Variants in CDH12 observed in about 807,000 individuals in gnomAD.
The protein encoded by CDH12 is cadherin 12, also known as cadherin-12.
Under a neutral mutation model 74.1 loss-of-function variants are expected in CDH12, and 41 were observed. The ratio of observed to expected loss-of-function variants is 0.55; its 90% CI spans 0.43 to 0.72. CDH12 has a LOEUF of 0.72. Ranked by LOEUF, CDH12 falls within the 30% of genes least tolerant of loss-of-function variation. The probability of loss-of-function intolerance (pLI) is 0.00; values close to 1 mark genes in which losing one functional copy is unlikely to be tolerated. For synonymous variants in CDH12, 399 were observed against 355.0 expected (o/e 1.12, Z -1.39); for missense variants, 945 against 977.2 (o/e 0.97, Z 0.44).
At chr5:22,059,932 T>C (rs1003955214) in intron 5 of CDH12, among the ~76,000 whole-genome samples, 1 of 152,154 alleles carries the variant, frequency 6.6e-6, no homozygotes, top group Admixed American at 6.6e-5. Flanking sequence ...AGACAACTTA[T>C]CTTCTATTAT....
chr5:21,943,082 C>G (rs1231349096), intron 6 of CDH12, among the ~76,000 whole-genome samples: 3 of 152,090 alleles, frequency 2.0e-5, no homozygotes, highest in African/African-American at 7.2e-5. Flanking sequence ...TTCACATGCT[C>G]TCTCTCCCCT....
chr5:22,270,604 A>AAT lies in CDH12; in HGVS notation c.-332-57963_-332-57962dup, dbSNP rs1554026286. On this transcript the variant is annotated intron_variant, in intron 3 of 14. Transcript: ENST00000382254. ...GGTGAGACACCGTCTCAAAAAAAAAAATATATATATATATATGTATACACA... is the reference window on the plus strand; with the variant it reads ...GGTGAGACACCGTCTCAAAAAAAAAAATATATATATATATATATGTATACACA... Among the ~76,000 whole-genome samples, 188 of 145,252 alleles carry AAT rather than the reference A, an allele frequency of 1.3e-3. 3 individuals carry two copies. Among genetic ancestry groups the AAT allele is most frequent in the East Asian group, 5.7e-3 (28 of 4,934 alleles).
At chr5:22,213,327 C>T (rs907877734) in intron 3 of CDH12, among the ~76,000 whole-genome samples, 13 of 151,682 alleles carry the variant, frequency 8.6e-5, no homozygotes, top group African/African-American at 2.7e-4. Context: ...CACAGCCTTG[C>T]TTGTGTAGTT....
chr5:22,263,352 G>T (rs763583519), intron 3 of CDH12, among the ~76,000 whole-genome samples: 4 of 152,030 alleles, frequency 2.6e-5, no homozygotes, highest in African/African-American at 4.8e-5. Flanking sequence ...AATAAAGAAA[G>T]AAAGGAAAAG....
rs70959733 is a variant in CDH12 at position 22,466,776 on chromosome 5, C to CTTTTT, written c.-428+38489_-428+38493dup. Among the ~76,000 whole-genome samples the CTTTTT allele has an allele frequency of 3.1e-3, 156 of 50,994 alleles. 19 individuals are homozygous for CTTTTT. Among genetic ancestry groups the CTTTTT allele is most frequent in the Middle Eastern group, 0.024 (1 of 42 alleles). 33.5% of individuals were successfully genotyped at this position (50,994 alleles called of 152,430 possible). A position where few individuals can be genotyped will look rare whatever the true frequency, so the allele number is the denominator to read the frequency against. ...AAATGAGGCATGGCTCCTCAGGAAT[C>CTTTTT]TTTTTTTTTTTTTTTTTTTTTTTTT... is the stretch of plus-strand genomic sequence containing the variant. On this transcript the variant is annotated intron_variant, in intron 2 of 14. Coordinates refer to ENST00000382254, the MANE Select transcript of CDH12 (RefSeq NM_004061.5).
In CDH12 at chr5:22,092,186, A is replaced by G. The variant is rs148501759; in HGVS notation, c.-186-13324T>C. The stretch of plus-strand genomic sequence containing the variant: ...TAAGAGTTAATCCTGTAAGATTCTT[A>G]CACACAAACATAGAATAGGCAATTC... On this transcript the variant is annotated intron_variant, in intron 4 of 14. Coordinates refer to ENST00000382254, the MANE Select transcript of CDH12 (RefSeq NM_004061.5). Among the ~76,000 whole-genome samples, 255 of 152,084 alleles carry G rather than the reference A, an allele frequency of 1.7e-3. 2 individuals carry two copies. Among genetic ancestry groups the G allele is most frequent in the African/African-American group, 6.0e-3 (249 of 41,562 alleles).
intron 11 of CDH12, among the ~76,000 whole-genome samples, chr5:21,768,153 C>T (rs557773322): frequency 3.3e-5 from 5 of 151,836 alleles, no homozygotes; most frequent in African/African-American, 1.2e-4. Flanking sequence ...AAGTCTTACA[C>T]AATTAAGTGT....
intron 1 of CDH12, among the ~76,000 whole-genome samples, chr5:22,668,152 C>G (rs184496187): frequency 2.0e-5 from 3 of 152,178 alleles, no homozygotes; most frequent in Non-Finnish European, 4.4e-5. Context: ...ATTTTATTAT[C>G]AGCTTATACT....
chr5:22,605,300 CT>C (rs749195263), intron 1 of CDH12, among the ~76,000 whole-genome samples: 18 of 152,300 alleles, frequency 1.2e-4, no homozygotes, highest in Non-Finnish European at 2.5e-4. Context: ...TAATAAATCT[CT>C]TTCTCTATAT....
At chr5:22,660,019 T>A (rs1168578758) in intron 1 of CDH12, among the ~76,000 whole-genome samples, 1 of 152,178 alleles carries the variant, frequency 6.6e-6, no homozygotes, top group African/African-American at 2.4e-5. Flanking sequence ...CCAGTATAAA[T>A]GTGAAAAAAA....
At chr5:21,804,893 A>G (rs571730463) in intron 9 of CDH12, among the ~76,000 whole-genome samples, 26 of 152,248 alleles carry the variant, frequency 1.7e-4, no homozygotes, top group African/African-American at 6.3e-4. Flanking sequence ...GATATCGGAG[A>G]GAGAATGATG....
chr5:21,773,070 G>T (rs541206490), intron 11 of CDH12, among the ~76,000 whole-genome samples: 1 of 151,968 alleles, frequency 6.6e-6, no homozygotes, highest in Non-Finnish European at 1.5e-5. Context: ...TGAGAAAAAT[G>T]GTATTATTTC....
intron 1 of CDH12, among the ~76,000 whole-genome samples, chr5:22,726,533 TA>T (rs1744172433): frequency 6.6e-6 from 1 of 151,850 alleles, no homozygotes; most frequent in Non-Finnish European, 1.5e-5. Context: ...AAGAAACTGC[TA>T]AACTCTCCTC....
At chr5:21,911,174 G>A (rs998183017) in intron 6 of CDH12, among the ~76,000 whole-genome samples, 15 of 152,010 alleles carry the variant, frequency 9.9e-5, no homozygotes, top group East Asian at 5.8e-4. Flanking sequence ...TGGCCATTAC[G>A]TTATTTATCT....
chr5:22,723,258 C>T (rs1202648175), intron 1 of CDH12, among the ~76,000 whole-genome samples: 1 of 152,124 alleles, frequency 6.6e-6, no homozygotes, highest in Non-Finnish European at 1.5e-5. Context: ...CTTCTTCACA[C>T]ATCCCTCATT....
intron 1 of CDH12, among the ~76,000 whole-genome samples, chr5:22,618,932 C>T (rs570892671): frequency 1.3e-5 from 2 of 152,040 alleles, no homozygotes; most frequent in Admixed American, 6.6e-5. Context: ...CCATGTCAGA[C>T]GTCCCTTTGC....
intron 1 of CDH12, among the ~76,000 whole-genome samples, chr5:22,571,843 T>A (rs898030720): frequency 1.3e-5 from 2 of 152,144 alleles, no homozygotes; most frequent in East Asian, 3.9e-4. Flanking sequence ...TGCCATACCG[T>A]GGGCATGGTT....
At chr5:22,489,531 G>T (rs1005213760) in intron 2 of CDH12, among the ~76,000 whole-genome samples, 1 of 151,714 alleles carries the variant, frequency 6.6e-6, no homozygotes, top group Non-Finnish European at 1.5e-5. Context: ...TCGCAATTTT[G>T]GTATTGAAGA....
rs548133707 is a variant in CDH12, at chr5:21,768,085, AC to A, written c.1394-2987del. On this transcript the variant is annotated intron_variant, in intron 11 of 14. Coordinates refer to ENST00000382254, the MANE Select transcript of CDH12 (RefSeq NM_004061.5). ...AAATAACACCATATGGAAATTAGTT[AC>A]TGTTGAATACTTATGAAGGAAATTT... is the stretch of plus-strand genomic sequence containing the variant. Among the ~76,000 whole-genome samples, 7 of 151,904 alleles carry A rather than the reference AC, an allele frequency of 4.6e-5. No individual in the cohort carries two copies. In the East Asian group the frequency reaches 1.3e-3, roughly 29 times the overall value.
Sources: allele counts gnomAD v4.1 joint callset (sites outside exome capture counted in the v4.1 genomes callset), GRCh38; gene constraint gnomAD v4.1.1; transcripts MANE v1.5; gene names NCBI Gene and HGNC (gene_info 2026-07-23, HGNC 2026-07-21).